Variants in KDM6A observed in about 807,000 individuals in gnomAD.
The protein encoded by KDM6A is lysine-specific demethylase 6A.
A neutral mutation model predicts 117.6 loss-of-function variants in KDM6A; 11 were observed. That is an observed-to-expected ratio of 0.09 (90% CI 0.06 to 0.15). The LOEUF (loss-of-function observed/expected upper bound fraction) is 0.15. Among genes scored for constraint, KDM6A ranks in the 10% least tolerant of loss-of-function variants. KDM6A has a pLI of 1.00. For synonymous variants in KDM6A, 384 were observed against 396.1 expected, an observed-to-expected ratio of 0.97 and a Z score of 0.36; for missense variants, 799 against 1,077.3, an observed-to-expected ratio of 0.74 and a Z score of 3.62.
chrX:44,906,688 G>C (rs1203497311), intron 2 of KDM6A, among the ~76,000 whole-genome samples: 1 of 110,309 alleles, frequency 9.1e-6, no homozygotes, highest in Non-Finnish European at 1.9e-5. Flanking sequence ...TGTATATAGA[G>C]AGAGAGAGCG....
intron 19 of KDM6A, 102 bp downstream of exon 19, chrX:45,076,928 A>C: frequency 2.8e-6 from 2 of 724,450 alleles, no homozygotes; most frequent in Non-Finnish European, 4.2e-6. Flanking sequence ...AAACATTACA[A>C]TTATTGGCAG....
chrX:45,054,739 A>G (rs998712507), intron 10 of KDM6A, among the ~76,000 whole-genome samples: 7 of 112,054 alleles, frequency 6.2e-5, no homozygotes, highest in Non-Finnish European at 1.1e-4. Context: ...GTCCTGATTC[A>G]GCTACTGTTT....
At chrX:44,895,058 C>T (rs987237163) in intron 2 of KDM6A, among the ~76,000 whole-genome samples, 2 of 106,552 alleles carry the variant, frequency 1.9e-5, no homozygotes, top group Non-Finnish European at 3.9e-5. Context: ...TGAGCCACCA[C>T]GCCCAGCAAC....
At chrX:44,963,440 A>AGTGTGT (rs747821170) in intron 3 of KDM6A, among the ~76,000 whole-genome samples, 1,863 of 69,801 alleles carry the variant, frequency 0.027, 56 homozygotes, top group East Asian at 0.12. Context: ...AGGGTGACAG[A>AGTGTGT]GTGTGTGTGT....
At position 44,942,187 on chromosome X, in the gene KDM6A, A is replaced by C. The variant is rs749497914; in HGVS notation, c.226-19097A>C. 3.9e-4 allele frequency among the ~76,000 whole-genome samples: 43 copies of C among 110,077 alleles called. No homozygotes were observed. The East Asian group carries it at 0.011, about 29-fold the overall frequency. On this transcript the variant is annotated intron_variant, in intron 2 of 29. Transcript: ENST00000611820. ...GTAGCTGGGATTACAGGTGCGCGCC[A>C]CCACGCCCAGCTAATTTTTGTATTT...
At chrX:44,896,773 T>C (rs2033899069) in intron 2 of KDM6A, among the ~76,000 whole-genome samples, 1 of 110,759 alleles carries the variant, frequency 9.0e-6, no homozygotes, top group Non-Finnish European at 1.9e-5. Flanking sequence ...TGGACAGTTA[T>C]TTTCTTTAAG....
intron 6 of KDM6A, among the ~76,000 whole-genome samples, chrX:45,034,249 T>C (rs1260053493): frequency 8.9e-6 from 1 of 111,885 alleles, no homozygotes; most frequent in East Asian, 2.8e-4. Context: ...TCCTAAAAAT[T>C]AGTGTTATGC....
chrX:45,006,019 CGGCTTTCTT>C, intron 4 of KDM6A, among the ~76,000 whole-genome samples: 1 of 83,628 alleles, frequency 1.2e-5, no homozygotes, highest in Non-Finnish European at 2.3e-5. Context: ...ACCCACCACC[CGGCTTTCTT>C]ACCTTGGTCC....
chrX:44,912,710 G>T (rs1488504793), intron 2 of KDM6A, among the ~76,000 whole-genome samples: 1 of 111,972 alleles, frequency 8.9e-6, no homozygotes, highest in African/African-American at 3.2e-5. Context: ...CAGTGAACCT[G>T]AGAGAGAATC....
At chrX:45,021,693 A>G (rs2042175600) in intron 6 of KDM6A, among the ~76,000 whole-genome samples, 1 of 112,234 alleles carries the variant, frequency 8.9e-6, no homozygotes. Context: ...TAAAAGAACA[A>G]TACTGATGAT....
chrX:45,012,149 T>C (rs1174463622), intron 5 of KDM6A, among the ~76,000 whole-genome samples: 1 of 109,080 alleles, frequency 9.2e-6, no homozygotes, highest in Non-Finnish European at 1.9e-5. Flanking sequence ...AGAGTTTTGA[T>C]GATCAAGTGA....
chrX:45,057,427 G>A (rs186612888), intron 10 of KDM6A, among the ~76,000 whole-genome samples: 2 of 111,098 alleles, frequency 1.8e-5, no homozygotes, highest in Admixed American at 9.6e-5. Context: ...TCAATCTTTT[G>A]GTTTCTTGTT....
chrX:44,961,812 A>G (rs910532808), intron 3 of KDM6A, among the ~76,000 whole-genome samples: 4 of 112,442 alleles, frequency 3.6e-5, no homozygotes, highest in East Asian at 2.8e-4. Context: ...ATTGTAAACA[A>G]GTAATACAGA....
chrX:44,886,546 G>C lies in KDM6A; in HGVS notation c.225+12559G>C, dbSNP rs761805472. ...GCTCTGTTGCCTAGACTGGAGTGCA[G>C]TGGCAGGATCTCGGCTCACTGCAAA... On this transcript the variant is annotated intron_variant, in intron 2 of 29. Coordinates refer to ENST00000611820, the MANE Select transcript of KDM6A (RefSeq NM_001291415.2). Among the ~76,000 whole-genome samples the C allele has an allele frequency of 2.9e-5, 3 of 104,426 alleles. No homozygotes were observed. The East Asian group carries it at 9.0e-4, about 31-fold the overall frequency. 90.7% of individuals were successfully genotyped at this position (104,426 alleles called of 115,157 possible).
At chrX:44,879,482 CAT>C (rs1027390754) in intron 2 of KDM6A, among the ~76,000 whole-genome samples, 2 of 112,322 alleles carry the variant, frequency 1.8e-5, no homozygotes, top group South Asian at 3.7e-4. Flanking sequence ...CTTAAGTACT[CAT>C]ATTGAAACTT....
At chrX:44,897,873 A>G (rs183730547) in intron 2 of KDM6A, among the ~76,000 whole-genome samples, 1 of 111,731 alleles carries the variant, frequency 9.0e-6, no homozygotes, top group Admixed American at 9.5e-5. Context: ...CACCTGGCCT[A>G]TTCTTTTTTA....
chrX:45,050,232 G>A (rs1276121522), intron 8 of KDM6A, among the ~76,000 whole-genome samples: 3 of 112,465 alleles, frequency 2.7e-5, no homozygotes, highest in Admixed American at 9.4e-5. Context: ...CCAGCTACTC[G>A]GGAGGCTGAG....
chrX:45,031,016 T>C (rs1410837844), intron 6 of KDM6A, among the ~76,000 whole-genome samples: 1 of 112,393 alleles, frequency 8.9e-6, no homozygotes, highest in Non-Finnish European at 1.9e-5. Flanking sequence ...ATTTTAGAAA[T>C]GTGGCAGTCT....
intron 2 of KDM6A, among the ~76,000 whole-genome samples, chrX:44,929,068 C>G (rs2036472513): frequency 1.8e-5 from 2 of 110,247 alleles, no homozygotes; most frequent in Admixed American, 1.9e-4. Context: ...GTAGCTGAGA[C>G]TACAGGTGCG....
Sources: allele counts gnomAD v4.1 joint callset (sites outside exome capture counted in the v4.1 genomes callset), GRCh38; gene constraint gnomAD v4.1.1; transcripts MANE v1.5; gene names NCBI Gene and HGNC (gene_info 2026-07-23, HGNC 2026-07-21).